Variants in SHANK2 observed in about 807,000 individuals in gnomAD.
The protein encoded by SHANK2 is SH3 and multiple ankyrin repeat domains 2, also known as SH3 and multiple ankyrin repeat domains protein 2.
A neutral mutation model predicts 133.7 loss-of-function variants in SHANK2; 43 were observed. That is an observed-to-expected ratio of 0.32 (90% confidence interval 0.25 to 0.41). The LOEUF (loss-of-function observed/expected upper bound fraction) is 0.41. Among genes scored for constraint, SHANK2 ranks in the 10% least tolerant of loss-of-function variants. The probability of loss-of-function intolerance (pLI) is 1.00; values close to 1 mark genes in which losing one functional copy is unlikely to be tolerated. For missense variants in SHANK2, 1,994 were observed against 2,235.8 expected (o/e 0.89, Z 2.18); for synonymous variants, 1,017 against 952.8 (o/e 1.07, Z -1.24).
chr11:70,571,589 T>C (rs2060046080), intron 17 of SHANK2, among the ~76,000 whole-genome samples: 1 of 152,158 alleles, frequency 6.6e-6, no homozygotes, highest in Non-Finnish European at 1.5e-5. Context: ...GCTAATACAG[T>C]GGCCTTGGGT....
intron 10 of SHANK2, among the ~76,000 whole-genome samples, chr11:70,900,624 G>C (rs1555076565): frequency 6.6e-6 from 1 of 152,172 alleles, no homozygotes; most frequent in Non-Finnish European, 1.5e-5. Flanking sequence ...GCACCTCCCT[G>C]CTGGTCTAAA....
At chr11:70,623,205 A>G (rs559205144) in intron 17 of SHANK2, among the ~76,000 whole-genome samples, 5 of 151,120 alleles carry the variant, frequency 3.3e-5, no homozygotes, top group Admixed American at 3.3e-4. Flanking sequence ...TCCTCTCCAC[A>G]TCCTGTGGGG....
At chr11:70,621,484 C>T (rs1443499966) in intron 17 of SHANK2, among the ~76,000 whole-genome samples, 1 of 152,216 alleles carries the variant, frequency 6.6e-6, no homozygotes, top group Non-Finnish European at 1.5e-5. Context: ...CAGATGCACA[C>T]CAAAGGCTGT....
intron 11 of SHANK2, among the ~76,000 whole-genome samples, chr11:70,894,329 C>T (rs1462281181): frequency 4.6e-5 from 7 of 151,996 alleles, no homozygotes; most frequent in South Asian, 2.1e-4. Context: ...CTGGGATTAC[C>T]GGTGCCTGCC....
intron 2 of SHANK2, among the ~76,000 whole-genome samples, chr11:71,199,000 G>A (rs556957508): frequency 5.9e-4 from 90 of 152,274 alleles, no homozygotes; most frequent in South Asian, 1.7e-3. Flanking sequence ...CCACCATGCC[G>A]CAATGGACAC....
intron 2 of SHANK2, among the ~76,000 whole-genome samples, chr11:71,196,611 GGAGA>G (rs1201275478): frequency 6.6e-6 from 1 of 151,934 alleles, no homozygotes; most frequent in Non-Finnish European, 1.5e-5. Context: ...TGCTAAAAAG[GGAGA>G]GAGACTAGCA....
chr11:71,180,505 G>T (rs573515005), intron 2 of SHANK2, among the ~76,000 whole-genome samples: 1 of 152,040 alleles, frequency 6.6e-6, no homozygotes, highest in African/African-American at 2.4e-5. Flanking sequence ...ATCTAACAGC[G>T]CTTTGTACAA....
At position 71,175,545 on chromosome 11, in the gene SHANK2, GGAGAGGGAGAGAGAGAGAGAGA is replaced by G. The variant is rs1315333133; in HGVS notation, c.-12-28229_-12-28208del. On this transcript the variant is annotated intron_variant, in intron 2 of 25. Coordinates refer to ENST00000601538, the MANE Select transcript of SHANK2 (RefSeq NM_012309.5). This position sits in a 1 kb window ranked among gnomAD's most constrained non-coding sequence, Gnocchi z 4.2. ...GACAGACAGACAGACAGAGGGAGAGGGAGAGGGAGAGAGAGAGAGAGAGAGAGAGAGAGAGAGAGAGAGAGAG... is the reference window on the plus strand; with the variant it reads ...GACAGACAGACAGACAGAGGGAGAGGGAGAGAGAGAGAGAGAGAGAGAGAG... Among the ~76,000 whole-genome samples, 186 of 79,356 alleles carry G rather than the reference GGAGAGGGAGAGAGAGAGAGAGA, an allele frequency of 2.3e-3. No homozygotes were observed. The Middle Eastern group carries it at 0.047, about 20-fold the overall frequency. 52.1% of individuals were successfully genotyped at this position (79,356 alleles called of 152,430 possible). A position where few individuals can be genotyped will look rare whatever the true frequency, so the allele number is the denominator to read the frequency against.
intron 17 of SHANK2, among the ~76,000 whole-genome samples, chr11:70,584,292 C>T (rs568671140): frequency 1.3e-5 from 2 of 152,270 alleles, no homozygotes; most frequent in East Asian, 3.9e-4. Flanking sequence ...TGTTCCGATC[C>T]CGTGTGACAG....
chr11:71,163,093 A>AAACATATAT lies in SHANK2; in HGVS notation c.-12-15756_-12-15755insATATATGTT. Among the ~76,000 whole-genome samples, 39 of 84,702 alleles carry AAACATATAT rather than the reference A, an allele frequency of 4.6e-4. 3 individuals are homozygous for AAACATATAT. The highest frequency in any genetic ancestry group is 1.8e-3 in the South Asian group (3 of 1,644). The allele number at this position is 84,702 out of a possible 152,430, so 55.6% of individuals were successfully genotyped here. On this transcript the variant is annotated intron_variant, in intron 2 of 25. Coordinates refer to ENST00000601538, the MANE Select transcript of SHANK2 (RefSeq NM_012309.5). ...GTCTAAAAAAAAAAAAAAAAAAAAAAATACATATATATATATATACAGAAT... is the reference window on the plus strand; with the variant it reads ...GTCTAAAAAAAAAAAAAAAAAAAAAAAACATATATATACATATATATATATATACAGAAT...
chr11:70,491,223 T>C lies in SHANK2; in HGVS notation c.2440-836A>G, dbSNP rs891472818. Among the ~76,000 whole-genome samples, 2 of 152,278 alleles carry C rather than the reference T, an allele frequency of 1.3e-5. 1 individual carries two copies. The highest frequency in any genetic ancestry group is 3.8e-4 in the East Asian group (2 of 5,200). ...GGAAATATTCGTGTGCAAGCTTTTATTGCTCCAGCTTTGAGATGCAGTTTC... is the reference window on the plus strand; with the variant it reads ...GGAAATATTCGTGTGCAAGCTTTTACTGCTCCAGCTTTGAGATGCAGTTTC... On this transcript the variant is annotated intron_variant, in intron 22 of 25. Transcript: ENST00000601538.
In SHANK2 at chr11:71,067,630, G is replaced by A. The variant is rs1408702470; in HGVS notation, c.1029+7529C>T. Among the ~76,000 whole-genome samples, 8 of 152,256 alleles carry A rather than the reference G, an allele frequency of 5.3e-5. No homozygotes were observed. In the East Asian group the frequency reaches 1.2e-3, roughly 22 times the overall value. On this transcript the variant is annotated intron_variant, in intron 9 of 25. Coordinates refer to ENST00000601538, the MANE Select transcript of SHANK2 (RefSeq NM_012309.5). Reference sequence around the variant, plus strand: ...CACATGTAACAATCCATACACCTGGGTGCTTTTAGATCTAACAAGGAGAGG... The same window carrying A: ...CACATGTAACAATCCATACACCTGGATGCTTTTAGATCTAACAAGGAGAGG...
At chr11:70,610,865 T>C (rs1375085929) in intron 17 of SHANK2, among the ~76,000 whole-genome samples, 1 of 152,208 alleles carries the variant, frequency 6.6e-6, no homozygotes, top group African/African-American at 2.4e-5. Context: ...ATGCCAAGAA[T>C]GACGGAAATC....
intron 10 of SHANK2, among the ~76,000 whole-genome samples, chr11:70,901,103 A>C (rs1472874852): frequency 6.6e-6 from 1 of 151,946 alleles, no homozygotes; most frequent in Non-Finnish European, 1.5e-5. Flanking sequence ...CATTATCTCT[A>C]CTCGACAGAG....
chr11:70,602,588 A>G (rs1458969500), intron 17 of SHANK2, among the ~76,000 whole-genome samples: 2 of 152,246 alleles, frequency 1.3e-5, no homozygotes, highest in Non-Finnish European at 2.9e-5. Context: ...CTCTGGAAAC[A>G]AAAACATTTC....
chr11:70,514,606 A>G (rs184462491), intron 17 of SHANK2, among the ~76,000 whole-genome samples: 2 of 152,354 alleles, frequency 1.3e-5, no homozygotes, highest in Admixed American at 6.5e-5. Flanking sequence ...AGATGCATCT[A>G]TATGGTTGCT....
At chr11:70,934,186 T>C (rs1427965368) in intron 10 of SHANK2, among the ~76,000 whole-genome samples, 6 of 143,066 alleles carry the variant, frequency 4.2e-5, no homozygotes, top group African/African-American at 1.0e-4. Context: ...GAACCATGAG[T>C]GTACCACTGC....
chr11:70,916,197 C>T (rs180796024), intron 10 of SHANK2, among the ~76,000 whole-genome samples: 308 of 152,286 alleles, frequency 2.0e-3, no homozygotes, highest in African/African-American at 7.2e-3. Context: ...CATTCTTGGC[C>T]GTCCCTTGCC....
chr11:70,829,857 G>A, intron 11 of SHANK2, among the ~76,000 whole-genome samples: 1 of 152,186 alleles, frequency 6.6e-6, no homozygotes, highest in East Asian at 1.9e-4. Flanking sequence ...GCCACACGGG[G>A]TCTTCTGGTC....
Sources: gnomAD v4.1 joint callset for allele counts (sites outside exome capture counted in the v4.1 genomes callset) on GRCh38, gnomAD v4.1.1 for gene constraint, Gnocchi (gnomAD v3.1) non-coding constraint, MANE v1.5 for transcripts, NCBI Gene and HGNC (gene_info 2026-07-23, HGNC 2026-07-21) for gene names.